Variants in RARB observed in about 807,000 individuals in gnomAD.
RARB encodes HBV-activated protein.
RARB carries 17 observed loss-of-function variants against 51.9 expected under a neutral mutation model. That is an observed-to-expected ratio of 0.33 (90% CI 0.22 to 0.49). The LOEUF (loss-of-function observed/expected upper bound fraction) is 0.49, where lower values mean the gene tolerates loss of function less well. Among genes scored for constraint, RARB ranks in the 20% least tolerant of loss-of-function variants. RARB has a pLI of 0.99. For synonymous variants in RARB, 215 were observed against 195.4 expected (o/e 1.10, Z -0.84); for missense variants, 369 against 550.8 (o/e 0.67, Z 3.30).
chr3:25,557,045 G>T (rs1286763), intron 3 of RARB, among the ~76,000 whole-genome samples: 95,857 of 151,956 alleles, frequency 0.63, 32,364 homozygotes, highest in African/African-American at 0.88. Context: ...GCATAAGGCA[G>T]TTTCTCACAA....
At chr3:24,916,744 C>G (rs551930147) in intron 2 of RARB, among the ~76,000 whole-genome samples, 1 of 132,254 alleles carries the variant, frequency 7.6e-6, no homozygotes, top group African/African-American at 3.0e-5. Context: ...GCATTGCAGT[C>G]TCATTTCTAT....
At chr3:25,303,133 A>G (rs1704079519) in intron 5 of RARB, among the ~76,000 whole-genome samples, 1 of 152,190 alleles carries the variant, frequency 6.6e-6, no homozygotes, top group South Asian at 2.1e-4. Flanking sequence ...TTATACAGAC[A>G]ACCTCTTGAC....
At chr3:24,881,954 T>G (rs546631133) in intron 2 of RARB, among the ~76,000 whole-genome samples, 22 of 152,138 alleles carry the variant, frequency 1.4e-4, no homozygotes, top group Non-Finnish European at 2.2e-4. Flanking sequence ...GGAAAACAGT[T>G]TTATGAAAAA....
chr3:25,344,865 G>C (rs1320999896), intron 5 of RARB, among the ~76,000 whole-genome samples: 1 of 152,126 alleles, frequency 6.6e-6, no homozygotes, highest in African/African-American at 2.4e-5. Context: ...TACACATGTG[G>C]GAGCTAGAGA....
intron 4 of RARB, among the ~76,000 whole-genome samples, chr3:25,137,601 T>A (rs901900262): frequency 5.3e-5 from 8 of 152,146 alleles, no homozygotes; most frequent in Non-Finnish European, 1.0e-4. Flanking sequence ...TTATAAATTA[T>A]AATCACTCTT....
At chr3:24,911,389 C>T (rs1170400081) in intron 2 of RARB, among the ~76,000 whole-genome samples, 1 of 152,118 alleles carries the variant, frequency 6.6e-6, no homozygotes, top group East Asian at 1.9e-4. Context: ...CTTTTAATAA[C>T]TTTAAGGATG....
At chr3:25,285,953 C>T (rs1041188088) in intron 5 of RARB, among the ~76,000 whole-genome samples, 1 of 152,082 alleles carries the variant, frequency 6.6e-6, no homozygotes, top group Non-Finnish European at 1.5e-5. Context: ...AACACAAACT[C>T]AAAAAATTGT....
intron 4 of RARB, among the ~76,000 whole-genome samples, chr3:25,579,474 G>A (rs187085597): frequency 5.4e-4 from 82 of 152,290 alleles, no homozygotes; most frequent in African/African-American, 1.7e-3. Flanking sequence ...GAGTATGGGC[G>A]TTTTATGTCT....
At chr3:25,230,548 A>T (rs1327929877) in intron 5 of RARB, among the ~76,000 whole-genome samples, 1 of 152,046 alleles carries the variant, frequency 6.6e-6, no homozygotes, top group Non-Finnish European at 1.5e-5. Context: ...CCCACTGATC[A>T]GTTTCTAACA....
chr3:25,104,602 C>A (rs1699463467), intron 3 of RARB, among the ~76,000 whole-genome samples: 1 of 152,074 alleles, frequency 6.6e-6, no homozygotes, highest in Non-Finnish European at 1.5e-5. Context: ...TGAGATTGTG[C>A]CACTGCACTC....
At chr3:25,379,594 G>T (rs958870762) in intron 5 of RARB, among the ~76,000 whole-genome samples, 1 of 152,222 alleles carries the variant, frequency 6.6e-6, no homozygotes, top group Non-Finnish European at 1.5e-5. Context: ...TGCAGTCAGA[G>T]TTGTCAGCAA....
chr3:25,290,818 T>G (rs897887557), intron 5 of RARB, among the ~76,000 whole-genome samples: 1 of 152,300 alleles, frequency 6.6e-6, no homozygotes, highest in South Asian at 2.1e-4. Context: ...GGCTTTTCCC[T>G]CTCTCTCCCC....
At chr3:25,456,706 G>GAGAC (rs1399537392) in intron 1 of RARB, among the ~76,000 whole-genome samples, 3 of 148,152 alleles carry the variant, frequency 2.0e-5, no homozygotes, top group Non-Finnish European at 4.5e-5. Flanking sequence ...GAGAGAGAGA[G>GAGAC]AGAGAGAGAG....
intron 2 of RARB, among the ~76,000 whole-genome samples, chr3:24,947,148 A>T (rs1256670597): frequency 6.6e-6 from 1 of 152,226 alleles, no homozygotes; most frequent in Non-Finnish European, 1.5e-5. Context: ...CTGAGCCAAG[A>T]GGAGAAACAT....
At chr3:25,152,099 A>G (rs1313478030) in intron 4 of RARB, among the ~76,000 whole-genome samples, 1 of 152,216 alleles carries the variant, frequency 6.6e-6, no homozygotes, top group Non-Finnish European at 1.5e-5. Flanking sequence ...GGCTTGGTAA[A>G]AAGCCTATGA....
chr3:25,239,836 G>A (rs1702388377), intron 5 of RARB, among the ~76,000 whole-genome samples: 1 of 151,962 alleles, frequency 6.6e-6, no homozygotes, highest in Admixed American at 6.6e-5. Context: ...AAATTACATT[G>A]GTATTTTGAC....
At chr3:25,403,340 T>C (rs1707316706) in intron 5 of RARB, among the ~76,000 whole-genome samples, 1 of 152,184 alleles carries the variant, frequency 6.6e-6, no homozygotes, top group Admixed American at 6.5e-5. Context: ...TTATTTCACA[T>C]TGCATGCCTG....
chr3:25,507,987 G>A lies in RARB; in HGVS notation c.448+6664G>A, dbSNP rs189349462. Among the ~76,000 whole-genome samples, 149 of 152,264 alleles carry A rather than the reference G, an allele frequency of 9.8e-4. 2 individuals are homozygous for A. The highest frequency in any genetic ancestry group is 3.7e-4 in the Non-Finnish European group (25 of 68,020). ...CCTTTCTTTCTGAAAACCACTGGCC[G>A]TGAATTCACACAGGGAGCCTCTTTG... On this transcript the variant is annotated intron_variant, in intron 3 of 7. Coordinates refer to ENST00000330688, the MANE Select transcript of RARB (RefSeq NM_000965.5).
At chr3:25,188,696 AATAATT>A (rs1205898571) in intron 5 of RARB, among the ~76,000 whole-genome samples, 1 of 152,138 alleles carries the variant, frequency 6.6e-6, no homozygotes, top group African/African-American at 2.4e-5. Flanking sequence ...TACTATCTAT[AATAATT>A]ATAACTACCA....
Sources: allele counts gnomAD v4.1 joint callset (sites outside exome capture counted in the v4.1 genomes callset), GRCh38; gene constraint gnomAD v4.1.1; transcripts MANE v1.5; gene names NCBI Gene and HGNC (gene_info 2026-07-23, HGNC 2026-07-21).